The following U2AF2 variants were observed in gnomAD, a reference collection of about 807,000 sequenced individuals.
U2AF2 encodes U2 small nuclear RNA auxiliary factor 2, also known as splicing factor U2AF 65 kDa subunit.
A neutral mutation model predicts 52.6 loss-of-function variants in U2AF2; 6 were observed. The observed-to-expected ratio is 0.11, with a 90% CI of 0.06 to 0.23. U2AF2 has a LOEUF of 0.23. U2AF2 is among the 10% of genes least tolerant of loss of function. U2AF2 has a pLI of 1.00. For synonymous variants in U2AF2, 284 were observed against 258.2 expected (o/e 1.10, Z -0.96); for missense variants, 222 against 677.1 (o/e 0.33, Z 7.46).
chr19:55,672,593 C>T (rs1260674437), intron 11 of U2AF2, among the ~76,000 whole-genome samples: 5 of 152,306 alleles, frequency 3.3e-5, no homozygotes, highest in Admixed American at 6.5e-5. Flanking sequence ...ACCCCCCCTC[C>T]TCCAGTTGAC....
At chr19:55,661,499 G>GACACACAC (rs59262812) in intron 5 of U2AF2, among the ~76,000 whole-genome samples, 132 of 145,196 alleles carry the variant, frequency 9.1e-4, no homozygotes, top group African/African-American at 2.4e-3. Flanking sequence ...GGGAGACTTG[G>GACACACAC]ACACACACAC....
intron 11 of U2AF2, chr19:55,672,130 GAAAAAAA>G (rs59200740): frequency 2.5e-5 from 3 of 121,614 alleles, no homozygotes; most frequent in Admixed American, 1.7e-4. Flanking sequence ...CATGGTCTCA[GAAAAAAA>G]AAAAAAAAAT....
Position 55,673,926 on chromosome 19 carries a change from C to A in U2AF2, c.1294-8C>A. On this transcript the variant is annotated splice_polypyrimidine_tract_variant and splice_region_variant and intron_variant, in intron 11 of 11. Coordinates refer to ENST00000308924, the MANE Select transcript of U2AF2 (RefSeq NM_007279.3). The stretch of plus-strand genomic sequence containing the variant: ...TTGTTCACAAACCTGCCTCTCCTTT[C>A]CCCACAGATCTTTGTGGAGTTCACC... The A allele has an allele frequency of 6.2e-7, 1 of 1,607,452 alleles. No individual in the cohort carries two copies. Among genetic ancestry groups the A allele is most frequent in the South Asian group, 1.1e-5 (1 of 90,328 alleles).
At chr19:55,660,713 C>A in intron 4 of U2AF2, 94 bp downstream of exon 4, 1 of 1,242,580 alleles carries the variant, frequency 8.0e-7, no homozygotes. Context: ...TGGAGGGGGT[C>A]AAAGACACAG....
chr19:55,672,216 G>A (rs1600085870), intron 11 of U2AF2: 2 of 151,956 alleles, frequency 1.3e-5, no homozygotes, highest in Admixed American at 6.6e-5. Flanking sequence ...TAAAAGTAGG[G>A]ACTATGATAG....
At chr19:55,655,267 CAA>C in intron 1 of U2AF2, 114 bp downstream of exon 1, 1 of 1,196,830 alleles carries the variant, frequency 8.4e-7, no homozygotes, top group African/African-American at 1.6e-5. Flanking sequence ...CGGCGCCCCC[CAA>C]CCCTGGTTCC....
chr19:55,660,378 G>A, intron 3 of U2AF2, 138 bp from the exon 4 acceptor site: 1 of 1,089,304 alleles, frequency 9.2e-7, no homozygotes, highest in Non-Finnish European at 1.3e-6. Flanking sequence ...CCCTGCCCCA[G>A]ACCCTCTCCT....
At chr19:55,657,857 T>C (rs369088924) in intron 1 of U2AF2, among the ~76,000 whole-genome samples, 1 of 152,242 alleles carries the variant, frequency 6.6e-6, no homozygotes, top group Non-Finnish European at 1.5e-5. Flanking sequence ...GTGATCTCTC[T>C]ATACCTTAGT....
chr19:55,660,331 A>C, intron 3 of U2AF2, 110 bp downstream of exon 3: 1 of 1,318,662 alleles, frequency 7.6e-7, no homozygotes, highest in Non-Finnish European at 1.1e-6. Flanking sequence ...CACTGGGAAG[A>C]GTCCACTTAC....
intron 7 of U2AF2, among the ~76,000 whole-genome samples, chr19:55,666,449 TTGTCA>T (rs1984555321): frequency 6.6e-6 from 1 of 152,190 alleles, no homozygotes; most frequent in South Asian, 2.1e-4. Context: ...TTTGAAGTTG[TTGTCA>T]TGTAACAGCG....
chr19:55,662,239 G>A, intron 5 of U2AF2: 1 of 376,656 alleles, frequency 2.7e-6, no homozygotes, highest in East Asian at 4.4e-5. Flanking sequence ...TGGGGCCCCT[G>A]TGGCTGTCCC....
Position 55,660,610 on chromosome 19 carries a change from G to A in U2AF2, c.325G>A (p.Ala109Thr). Reference protein sequence around the residue: ...FEHITPMQYKAMQAAGQIPAT... With the variant: ...FEHITPMQYKTMQAAGQIPAT... ...GCACATCACCCCAATGCAGTACAAG[G>A]CCATGCAAGGTAGGCCCCTGGCCAG... The change falls in exon 4 of 12, where the codon GCC becomes ACC. Residue 109 changes from alanine (A) to threonine (T), a missense_variant. Around this residue, in one of 4 missense-constraint regions of U2AF2, gnomAD observed 35 missense variants for 149.3 expected, o/e 0.23. Coordinates refer to ENST00000308924, the MANE Select transcript of U2AF2 (RefSeq NM_007279.3). 1 of 1,613,428 alleles carries A rather than the reference G, an allele frequency of 6.2e-7. No homozygotes were observed. The highest frequency in any genetic ancestry group is 8.5e-7 in the Non-Finnish European group (1 of 1,179,736).
At chr19:55,663,285 G>A (rs751389288) in intron 6 of U2AF2, among the ~76,000 whole-genome samples, 3 of 152,158 alleles carry the variant, frequency 2.0e-5, no homozygotes, top group Non-Finnish European at 2.9e-5. Context: ...AAAGACTCCA[G>A]TACTGTCATC....
At chr19:55,669,308 T>C in intron 10 of U2AF2, 127 bp downstream of exon 10, 1 of 1,546,832 alleles carries the variant, frequency 6.5e-7, no homozygotes, top group Non-Finnish European at 8.7e-7. Context: ...AGTGCAGTGT[T>C]GGGGAGTCGG....
chr19:55,665,588 G>T (rs1422037073), intron 7 of U2AF2, among the ~76,000 whole-genome samples: 2 of 152,220 alleles, frequency 1.3e-5, no homozygotes, highest in African/African-American at 4.8e-5. Context: ...GCAGTTCTAC[G>T]ACACAGGGAT....
At chr19:55,666,834 C>T (rs1259509014) in intron 7 of U2AF2, among the ~76,000 whole-genome samples, 2 of 152,242 alleles carry the variant, frequency 1.3e-5, no homozygotes, top group African/African-American at 4.8e-5. Flanking sequence ...CTTCCTTGGA[C>T]CCAGGCAGAG....
chr19:55,655,279 C>G, intron 1 of U2AF2, 126 bp downstream of exon 1: 1 of 1,036,450 alleles, frequency 9.6e-7, no homozygotes, highest in Non-Finnish European at 1.4e-6. Flanking sequence ...ACCCTGGTTC[C>G]GTGGCGCGCG....
At chr19:55,659,842 C>T (rs2123675298) in intron 2 of U2AF2, among the ~76,000 whole-genome samples, 2 of 152,186 alleles carry the variant, frequency 1.3e-5, no homozygotes, top group South Asian at 2.1e-4. Context: ...TTTCCACCGC[C>T]TCTTCCCTTC....
chr19:55,659,610 G>A (rs1239745185), intron 2 of U2AF2, among the ~76,000 whole-genome samples: 1 of 152,002 alleles, frequency 6.6e-6, no homozygotes, highest in East Asian at 1.9e-4. Flanking sequence ...CTGGAGCCTG[G>A]GAATTGATTC....
Sources: allele counts gnomAD v4.1 joint callset (sites outside exome capture counted in the v4.1 genomes callset), GRCh38; gene constraint gnomAD v4.1.1; regional missense constraint gnomAD v4.1.1; transcripts MANE v1.5; gene names NCBI Gene and HGNC (gene_info 2026-07-23, HGNC 2026-07-21).